The following NRXN3 variants were observed in gnomAD, a reference collection of about 807,000 sequenced individuals.
The protein encoded by NRXN3 is neurexin 3, also known as neurexin III.
In NRXN3, 32 loss-of-function variants were observed where a neutral mutation model predicts 137.6. That is an observed-to-expected ratio of 0.23 (90% CI 0.18 to 0.31). The LOEUF (loss-of-function observed/expected upper bound fraction) is 0.31, where lower values mean the gene tolerates loss of function less well. Among genes scored for constraint, NRXN3 ranks in the 10% least tolerant of loss-of-function variants. The pLI, the probability that NRXN3 is intolerant of heterozygous loss-of-function variation, is 1.00. For missense variants in NRXN3, 1,574 were observed against 2,062.5 expected (o/e 0.76, Z 4.59); for synonymous variants, 798 against 784.5 (o/e 1.02, Z -0.29).
Position 78,701,211 on chromosome 14 carries a change from A to G in NRXN3, c.1222-8006A>G, listed in dbSNP as rs77620288. ...ACTCTGAACAGGCATGGAGCATTCAATAAGGCAAAGGGTCAGAAATCTTGC... is the reference window on the plus strand; with the variant it reads ...ACTCTGAACAGGCATGGAGCATTCAGTAAGGCAAAGGGTCAGAAATCTTGC... On this transcript the variant is annotated intron_variant, in intron 6 of 20. Coordinates refer to ENST00000335750, the MANE Select transcript of NRXN3 (RefSeq NM_001330195.2). 2.4e-4 allele frequency among the ~76,000 whole-genome samples: 37 copies of G among 152,360 alleles called. 1 individual carries two copies. The East Asian group carries it at 6.6e-3, about 27-fold the overall frequency.
intron 4 of NRXN3, among the ~76,000 whole-genome samples, chr14:78,524,268 G>A (rs895061569): frequency 6.6e-6 from 1 of 152,214 alleles, no homozygotes; most frequent in Non-Finnish European, 1.5e-5. Flanking sequence ...ACATTCTTCC[G>A]GGATATATAA....
At chr14:79,136,898 G>C (rs2058287773) in intron 15 of NRXN3, among the ~76,000 whole-genome samples, 1 of 152,172 alleles carries the variant, frequency 6.6e-6, no homozygotes, top group African/African-American at 2.4e-5. Context: ...CCAGGAATTG[G>C]GATATGGAAA....
chr14:79,085,136 T>C (rs562774615), intron 15 of NRXN3, among the ~76,000 whole-genome samples: 99 of 152,262 alleles, frequency 6.5e-4, no homozygotes, highest in African/African-American at 2.4e-3. Context: ...CTTATTTGAA[T>C]TGTATTTGTT....
At chr14:79,671,603 C>T (rs1304725471) in intron 17 of NRXN3, among the ~76,000 whole-genome samples, 1 of 151,944 alleles carries the variant, frequency 6.6e-6, no homozygotes, top group Non-Finnish European at 1.5e-5. Flanking sequence ...ATTTAATAGT[C>T]TTGCTTGGGG....
chr14:78,249,590 C>T (rs754334736), intron 2 of NRXN3, among the ~76,000 whole-genome samples: 2 of 152,134 alleles, frequency 1.3e-5, no homozygotes, highest in Non-Finnish European at 2.9e-5. Context: ...AGTGAGGCCC[C>T]AGAGGCAGAG....
chr14:78,790,742 G>T (rs914994692), intron 8 of NRXN3, among the ~76,000 whole-genome samples: 1 of 152,170 alleles, frequency 6.6e-6, no homozygotes, highest in Non-Finnish European at 1.5e-5. Flanking sequence ...GTGGTAATTT[G>T]CTTACAAGGT....
intron 16 of NRXN3, among the ~76,000 whole-genome samples, chr14:79,594,666 T>C (rs1171113261): frequency 1.4e-5 from 2 of 146,130 alleles, no homozygotes; most frequent in Non-Finnish European, 3.0e-5. Context: ...ATCATAGAGA[T>C]GAATCACCTT....
At chr14:78,613,727 G>T (rs1341901723) in intron 4 of NRXN3, among the ~76,000 whole-genome samples, 3 of 151,924 alleles carry the variant, frequency 2.0e-5, no homozygotes, top group African/African-American at 7.3e-5. Context: ...TTCATTGAGT[G>T]AGAAAAATAA....
At chr14:79,774,200 A>T (rs1000661533) in intron 19 of NRXN3, among the ~76,000 whole-genome samples, 2 of 152,172 alleles carry the variant, frequency 1.3e-5, no homozygotes, top group African/African-American at 4.8e-5. Context: ...GATCACTGTG[A>T]TCTTTCCCAA....
chr14:78,961,991 AT>A (rs1205705566), intron 11 of NRXN3, among the ~76,000 whole-genome samples: 2 of 152,218 alleles, frequency 1.3e-5, no homozygotes, highest in Non-Finnish European at 2.9e-5. Flanking sequence ...ATGGAGTGAC[AT>A]TCTGATACTG....
intron 8 of NRXN3, among the ~76,000 whole-genome samples, chr14:78,726,959 TAAAA>T (rs55802240): frequency 1.7e-5 from 2 of 121,008 alleles, no homozygotes; most frequent in Admixed American, 8.9e-5. Context: ...ATTTATTCAC[TAAAA>T]AAAAAAAAAA....
chr14:79,423,289 A>G (rs1346687754), intron 15 of NRXN3, among the ~76,000 whole-genome samples: 1 of 152,180 alleles, frequency 6.6e-6, no homozygotes, highest in Non-Finnish European at 1.5e-5. Context: ...AAATAGGAAT[A>G]GTCTTTCACT....
chr14:78,193,553 G>A lies in NRXN3; in HGVS notation c.-704+22879G>A, dbSNP rs1300590144. Among the ~76,000 whole-genome samples, 5 of 152,082 alleles carry A rather than the reference G, an allele frequency of 3.3e-5. No individual in the cohort carries two copies. The East Asian group carries it at 9.7e-4, about 29-fold the overall frequency. On this transcript the variant is annotated intron_variant, in intron 1 of 20. Coordinates refer to ENST00000335750, the MANE Select transcript of NRXN3 (RefSeq NM_001330195.2). ...TGGACTGAAGAGGCCAAAGTTAGGT[G>A]TGATTCAAGACCAGCCGGGACAACA...
chr14:79,754,354 AT>A (rs1303911434), intron 19 of NRXN3, among the ~76,000 whole-genome samples: 1 of 151,356 alleles, frequency 6.6e-6, no homozygotes, highest in African/African-American at 2.4e-5. Flanking sequence ...AAAAACATAA[AT>A]AAATAAAGTA....
intron 4 of NRXN3, among the ~76,000 whole-genome samples, chr14:78,411,124 A>C (rs1352193459): frequency 6.6e-6 from 1 of 152,208 alleles, no homozygotes; most frequent in Non-Finnish European, 1.5e-5. Context: ...GCCAATAGCC[A>C]ACCATTTGGT....
rs151137972 is a variant in NRXN3, at chr14:78,831,506, G to T, written c.2275+21162G>T. Among the ~76,000 whole-genome samples, 417 of 119,400 alleles carry T rather than the reference G, an allele frequency of 3.5e-3. 1 individual carries two copies. Among genetic ancestry groups the T allele is most frequent in the African/African-American group, 0.013 (406 of 31,656 alleles). 78.3% of individuals were successfully genotyped at this position (119,400 alleles called of 152,430 possible). On this transcript the variant is annotated intron_variant, in intron 10 of 20. Coordinates refer to ENST00000335750, the MANE Select transcript of NRXN3 (RefSeq NM_001330195.2). Reference sequence around the variant, plus strand: ...GCCAAGATTGTGCCACTACACTCCAGCCTGGGTGACAGAGGGAGACTCCAT... The same window carrying T: ...GCCAAGATTGTGCCACTACACTCCATCCTGGGTGACAGAGGGAGACTCCAT...
At chr14:78,612,718 T>G (rs188432222) in intron 4 of NRXN3, among the ~76,000 whole-genome samples, 3 of 152,210 alleles carry the variant, frequency 2.0e-5, no homozygotes, top group Non-Finnish European at 4.4e-5. Context: ...TGCTATTCTG[T>G]ATTGTTTCTT....
rs542264245 is a variant in NRXN3 at position 79,738,501 on chromosome 14, A to G, written c.4014+40564A>G. Among the ~76,000 whole-genome samples the G allele has an allele frequency of 7.2e-5, 11 of 152,318 alleles. No individual in the cohort carries two copies. The South Asian group carries it at 2.3e-3, about 32-fold the overall frequency. On this transcript the variant is annotated intron_variant, in intron 19 of 20. Coordinates refer to ENST00000335750, the MANE Select transcript of NRXN3 (RefSeq NM_001330195.2). ...CTGCTGATGTCTTGGTTTCAGCTCA[A>G]TGATACTAATTTCAAATTTCTGGCC...
chr14:79,451,484 A>C (rs979216147), intron 15 of NRXN3, among the ~76,000 whole-genome samples: 2 of 152,170 alleles, frequency 1.3e-5, no homozygotes, highest in Admixed American at 6.5e-5. Flanking sequence ...ATGTTAGGAG[A>C]TCCAATTAAA....
Sources: gnomAD v4.1 joint callset for allele counts (sites outside exome capture counted in the v4.1 genomes callset) on GRCh38, gnomAD v4.1.1 for gene constraint, MANE v1.5 for transcripts, NCBI Gene and HGNC (gene_info 2026-07-23, HGNC 2026-07-21) for gene names.